RAB36: variants seen among roughly 807,000 people sequenced by gnomAD.
RAB36 encodes the protein ras-related protein Rab-36.
Under a neutral mutation model 39.3 loss-of-function variants are expected in RAB36, and 33 were observed. The ratio of observed to expected loss-of-function variants is 0.84; its 90% CI spans 0.64 to 1.12. The LOEUF is 1.12. Ranked by LOEUF, RAB36 falls within the 50% of genes most tolerant of loss-of-function variation. The probability of loss-of-function intolerance (pLI) is 0.00; values close to 1 mark genes in which losing one functional copy is unlikely to be tolerated. For synonymous variants in RAB36, 133 were observed against 140.2 expected (o/e 0.95, Z 0.36); for missense variants, 308 against 355.3 (o/e 0.87, Z 1.07).
Position 23,160,985 on chromosome 22 carries a change from T to C in RAB36, c.726T>C (p.Asn242=), listed in dbSNP as rs1255264964. ...GCAGTGCCCGGCTCCAGGTCGGCAA[T>C]GGAGACCTAATCCGTGAGTATAGGT... ...RQSSARLQVG[N]GDLIQMEGSP... is the part of the protein sequence containing the mutation. Residue 242 remains asparagine (N), a synonymous_variant, in exon 10 of 11, where the codon AAT becomes AAC. Transcript: ENST00000263116. 5.0e-6 allele frequency: 8 copies of C among 1,611,028 alleles called. No homozygotes were observed. In the South Asian group the frequency reaches 5.5e-5, roughly 11 times the overall value.
intron 9 of RAB36, among the ~76,000 whole-genome samples, chr22:23,160,280 G>C (rs963533417): frequency 6.6e-6 from 1 of 152,170 alleles, no homozygotes; most frequent in African/African-American, 2.4e-5. Flanking sequence ...CCTTATCAGA[G>C]TAACAGTGAG....
At position 23,153,284 on chromosome 22, in the gene RAB36, C is replaced by T. The variant is rs569141738; in HGVS notation, c.329+150C>T. On this transcript the variant is annotated intron_variant, in intron 5 of 10. Transcript: ENST00000263116. ...TGTTGTGTGACACTTAGCTTCCTGGCTCCCAGAGCCCCCACATGCTCTGTC... is the reference window on the plus strand; with the variant it reads ...TGTTGTGTGACACTTAGCTTCCTGGTTCCCAGAGCCCCCACATGCTCTGTC... 15 of 671,134 alleles carry T rather than the reference C, an allele frequency of 2.2e-5. No homozygotes were observed. In the East Asian group the frequency reaches 3.7e-4, roughly 17 times the overall value. The allele number at this position is 671,134 out of a possible 1,614,324, so 41.6% of individuals were successfully genotyped here.
In RAB36 at chr22:23,164,599, T is replaced by C. The variant is rs2071991035; in HGVS notation, c.*3035T>C. 6.6e-6 allele frequency among the ~76,000 whole-genome samples: 1 copy of C among 152,222 alleles called. No individual in the cohort carries two copies. The highest frequency in any genetic ancestry group is 6.5e-5 in the Admixed American group (1 of 15,282). ...TCCCAGCATCGGGCAGTAAGTTTCC[T>C]GGGCAGAGGCACTTTCTGTTGGTCT... is the stretch of plus-strand genomic sequence containing the variant. On this transcript the variant is annotated 3_prime_UTR_variant, in exon 11 of 11. Transcript: ENST00000263116.
intron 5 of RAB36, among the ~76,000 whole-genome samples, chr22:23,155,332 T>A (rs1250765303): frequency 6.6e-6 from 1 of 152,226 alleles, no homozygotes; most frequent in African/African-American, 2.4e-5. Context: ...TCCCCTCTTC[T>A]AGACTGTGCC....
intron 1 of RAB36, chr22:23,146,045 G>C (rs1428834338): frequency 1.3e-5 from 13 of 982,136 alleles, no homozygotes; most frequent in Non-Finnish European, 1.6e-5. Context: ...GCTCAGAGGG[G>C]AGCTCCTCCT....
intron 2 of RAB36, 111 bp downstream of exon 2, chr22:23,146,796 A>G: frequency 1.4e-6 from 2 of 1,450,972 alleles, no homozygotes; most frequent in Admixed American, 2.4e-5. Flanking sequence ...AGGTCTGTCC[A>G]TTGTCAGATT....
chr22:23,152,408 T>A (rs773631380), intron 3 of RAB36, 53 bp from the exon 4 acceptor site: 71 of 1,591,674 alleles, frequency 4.5e-5, no homozygotes, highest in Non-Finnish European at 5.9e-5. Flanking sequence ...TGTGAGTGTC[T>A]GAAGACACCC....
Position 23,162,482 on chromosome 22 carries a change from C to G in RAB36, c.*918C>G, listed in dbSNP as rs947987491. On this transcript the variant is annotated 3_prime_UTR_variant, in exon 11 of 11. Transcript: ENST00000263116. ...CATTGGCCTATACATCTCTTAGGAC[C>G]TTTGTAATGGTGTCCATGCACCTTT... 2.6e-6 allele frequency: 1 copy of G among 384,344 alleles called. No homozygotes were observed. Among genetic ancestry groups the G allele is most frequent in the African/African-American group, 2.1e-5 (1 of 48,230 alleles). The allele number at this position is 384,344 out of a possible 1,614,324, so 23.8% of individuals were successfully genotyped here.
chr22:23,162,458 A>C lies in RAB36; in HGVS notation c.*894A>C. On this transcript the variant is annotated 3_prime_UTR_variant, in exon 11 of 11. Transcript: ENST00000263116. ...ACTGCTGCCTCTCCATCCCTCTCTC[A>C]TTGGCCTATACATCTCTTAGGACCT... 2.8e-6 allele frequency: 1 copy of C among 361,088 alleles called. No homozygotes were observed. The highest frequency in any genetic ancestry group is 3.3e-5 in the Admixed American group (1 of 30,000). The allele number at this position is 361,088 out of a possible 1,614,324, so 22.4% of individuals were successfully genotyped here. A position where few individuals can be genotyped will look rare whatever the true frequency, so the allele number is the denominator to read the frequency against.
At position 23,164,385 on chromosome 22, in the gene RAB36, TGACA is replaced by T. The variant is rs371572433; in HGVS notation, c.*2822_*2825del. The T allele has an allele frequency of 6.6e-6, 1 of 152,384 alleles. No homozygotes were observed. The highest frequency in any genetic ancestry group is 2.4e-5 in the African/African-American group (1 of 41,572). 9.4% of individuals were successfully genotyped at this position (152,384 alleles called of 1,614,324 possible). A position where few individuals can be genotyped will look rare whatever the true frequency, so the allele number is the denominator to read the frequency against. ...CCAGCTGATTCCCACACACCCTGAC[TGACA>T]TAGTTGTGGCCTCTCGAACTTTGAT... is the stretch of plus-strand genomic sequence containing the variant. On this transcript the variant is annotated 3_prime_UTR_variant, in exon 11 of 11. Transcript: ENST00000263116.
downstream of RAB36, among the ~76,000 whole-genome samples, chr22:23,168,492 CCCGCCA>C (rs1216345066): frequency 6.8e-6 from 1 of 147,320 alleles, no homozygotes. Context: ...GGCACCGCTC[CCCGCCA>C]CACACACACA....
chr22:23,166,152 A>T (rs1382963190), downstream of RAB36, among the ~76,000 whole-genome samples: 5 of 79,336 alleles, frequency 6.3e-5, no homozygotes, highest in East Asian at 4.3e-4. Context: ...TCTTTTAAAA[A>T]AAAAAAAAAA....
rs1014945323 is a variant in RAB36 at position 23,159,261 on chromosome 22, G to A, written c.619+8G>A. The A allele has an allele frequency of 1.3e-6, 2 of 1,575,892 alleles. No homozygotes were observed. The highest frequency in any genetic ancestry group is 1.7e-6 in the Non-Finnish European group (2 of 1,160,844). ...CAGTGTCGGCCAAGACTGGTGAGTGGGCCAGGGCTGTCACCATGGTGGGGC... is the reference window on the plus strand; with the variant it reads ...CAGTGTCGGCCAAGACTGGTGAGTGAGCCAGGGCTGTCACCATGGTGGGGC... On this transcript the variant is annotated splice_region_variant and intron_variant, in intron 9 of 10. Coordinates refer to ENST00000263116, the MANE Select transcript of RAB36 (RefSeq NM_004914.5).
chr22:23,160,833 C>A, intron 9 of RAB36, 46 bp from the exon 10 acceptor site: 1 of 1,589,890 alleles, frequency 6.3e-7, no homozygotes, highest in Non-Finnish European at 8.6e-7. Context: ...CATTAAGGGG[C>A]AAGGAGAAAC....
intron 6 of RAB36, among the ~76,000 whole-genome samples, chr22:23,157,313 C>CA (rs2071510765): frequency 1.3e-5 from 2 of 151,638 alleles, no homozygotes. Flanking sequence ...TGCAGTGGCG[C>CA]AATCTCGGCT....
chr22:23,158,848 T>C, intron 7 of RAB36, 50 bp from the exon 8 acceptor site: 1 of 1,522,118 alleles, frequency 6.6e-7, no homozygotes, highest in Non-Finnish European at 9.1e-7. Context: ...TGCCCCCTGT[T>C]TGGGGTGGGA....
At chr22:23,159,128 C>T (rs199907025) in intron 8 of RAB36, 35 bp from the exon 9 acceptor site, 22 of 1,601,326 alleles carry the variant, frequency 1.4e-5, no homozygotes, top group South Asian at 4.5e-5. Context: ...GCAGGAGAGC[C>T]GGGACGCTGG....
In RAB36 at chr22:23,153,082, GACTTTGAAATTGAGC is replaced by G. The variant is rs769644178; in HGVS notation, c.278_292del (p.Asp93_Arg98delinsGly). On this transcript the variant is annotated inframe_deletion, in exon 5 of 11. Coordinates refer to ENST00000263116, the MANE Select transcript of RAB36 (RefSeq NM_004914.5). ...AGACTACAAGGCCACCATTGGGGTG[GACTTTGAAATTGAGC>G]GCTTTGAGATTGCTGGGATTCCCTA... 1.2e-6 allele frequency: 2 copies of G among 1,614,152 alleles called. No individual in the cohort carries two copies. The highest frequency in any genetic ancestry group is 4.5e-5 in the East Asian group (2 of 44,888).
intron 2 of RAB36, among the ~76,000 whole-genome samples, chr22:23,149,590 T>C (rs1210620380): frequency 1.3e-5 from 2 of 152,168 alleles, no homozygotes; most frequent in Non-Finnish European, 2.9e-5. Flanking sequence ...CAAGTTGGAG[T>C]GCAGTGGCAT....
Sources: allele counts gnomAD v4.1 joint callset (sites outside exome capture counted in the v4.1 genomes callset), GRCh38; gene constraint gnomAD v4.1.1; transcripts MANE v1.5; gene names NCBI Gene and HGNC (gene_info 2026-07-23, HGNC 2026-07-21).